CCDC171: variants seen among roughly 807,000 people sequenced by gnomAD.
The protein encoded by CCDC171 is coiled-coil domain-containing protein 171.
CCDC171 carries 177 observed loss-of-function variants against 168.2 expected under a neutral mutation model. The observed-to-expected ratio is 1.05, with a 90% confidence interval of 0.93 to 1.19. The LOEUF is 1.19. Among genes scored for constraint, CCDC171 ranks in the 50% most tolerant of loss-of-function variants. The probability of loss-of-function intolerance (pLI) is 0.00; values close to 1 mark genes in which losing one functional copy is unlikely to be tolerated. For synonymous variants in CCDC171, 687 were observed against 540.8 expected, an observed-to-expected ratio of 1.27 and a Z score of -3.75; for missense variants, 1,991 against 1,539.0, an observed-to-expected ratio of 1.29 and a Z score of -4.91.
chr9:15,956,361 A>G (rs1176176356), intron 25 of CCDC171, among the ~76,000 whole-genome samples: 1 of 152,144 alleles, frequency 6.6e-6, no homozygotes, highest in African/African-American at 2.4e-5. Context: ...TACTGATAGG[A>G]TACTTGGAAT....
At chr9:16,029,485 C>T (rs540264559) in intron 6 of CCDC171, among the ~76,000 whole-genome samples, 70 of 152,220 alleles carry the variant, frequency 4.6e-4, no homozygotes, top group African/African-American at 1.5e-3. Flanking sequence ...TCTGGGCTCA[C>T]GGGAAAAGAT....
At chr9:16,108,572 A>G in the CCDC171 span, among the ~76,000 whole-genome samples, 2 of 152,206 alleles carry the variant, frequency 1.3e-5, no homozygotes, top group African/African-American at 2.4e-5. Flanking sequence ...CAGACTTAGA[A>G]TAGGATTTCA....
chr9:15,628,052 G>T (rs982285549), intron 7 of CCDC171, among the ~76,000 whole-genome samples: 2 of 152,154 alleles, frequency 1.3e-5, no homozygotes, highest in Non-Finnish European at 2.9e-5. Context: ...AGGGAGCCAA[G>T]ATGGCCGAAT....
intron 11 of CCDC171, among the ~76,000 whole-genome samples, chr9:15,707,470 A>G (rs1435626023): frequency 6.6e-6 from 1 of 152,242 alleles, no homozygotes; most frequent in African/African-American, 2.4e-5. Flanking sequence ...GTTGGAATAA[A>G]GTGAGACTAT....
At chr9:15,574,269 T>C (rs1369067536) in intron 3 of CCDC171, among the ~76,000 whole-genome samples, 2 of 152,060 alleles carry the variant, frequency 1.3e-5, no homozygotes, top group Non-Finnish European at 2.9e-5. Flanking sequence ...TTCAGCCTCC[T>C]GCGTAGCTGG....
intron 6 of CCDC171, among the ~76,000 whole-genome samples, chr9:16,023,827 A>C (rs1173475570): frequency 6.7e-6 from 1 of 150,120 alleles, no homozygotes; most frequent in African/African-American, 2.5e-5. Context: ...TTTCAGACAG[A>C]ATAATGCCAC....
chr9:16,048,356 C>G (rs1250294935), intron 1 of CCDC171, among the ~76,000 whole-genome samples: 1 of 152,156 alleles, frequency 6.6e-6, no homozygotes, highest in Non-Finnish European at 1.5e-5. Flanking sequence ...GAGGAGGGAG[C>G]TGGCTGAGGG....
intron 21 of CCDC171, among the ~76,000 whole-genome samples, chr9:15,809,482 T>TC (rs1465089769): frequency 1.3e-5 from 2 of 151,988 alleles, no homozygotes; most frequent in Non-Finnish European, 2.9e-5. Flanking sequence ...TGTCTGGAGT[T>TC]TATTCCTTCT....
chr9:15,886,563 C>T (rs1819424970), intron 24 of CCDC171: 1 of 151,972 alleles, frequency 6.6e-6, no homozygotes, highest in African/African-American at 2.4e-5. Flanking sequence ...ATGGAATTTC[C>T]TCAAAAAATA....
chr9:15,649,718 A>C (rs1383524680), intron 7 of CCDC171, among the ~76,000 whole-genome samples: 1 of 152,246 alleles, frequency 6.6e-6, no homozygotes, highest in Non-Finnish European at 1.5e-5. Flanking sequence ...CACACCAGTT[A>C]GAATGGCAAT....
chr9:15,778,921 G>A, intron 19 of CCDC171, 47 bp from the exon 20 acceptor site: 1 of 1,298,472 alleles, frequency 7.7e-7, no homozygotes, highest in Non-Finnish European at 1.0e-6. Context: ...GCTATTGTTA[G>A]TAAATCTGTA....
intron 6 of CCDC171, among the ~76,000 whole-genome samples, chr9:16,028,992 G>T (rs1290161290): frequency 6.6e-6 from 1 of 152,080 alleles, no homozygotes; most frequent in African/African-American, 2.4e-5. Context: ...GCTTGCCCTG[G>T]TAAAAAGCCT....
intron 20 of CCDC171, among the ~76,000 whole-genome samples, chr9:15,783,013 A>G (rs183694050): frequency 1.8e-4 from 27 of 152,284 alleles, no homozygotes; most frequent in Non-Finnish European, 3.1e-4. Context: ...ATGCTACACT[A>G]TTGGCTTTTA....
chr9:15,796,524 T>C (rs939684062), intron 21 of CCDC171, among the ~76,000 whole-genome samples: 3 of 152,166 alleles, frequency 2.0e-5, no homozygotes, highest in Non-Finnish European at 4.4e-5. Context: ...AATAACTTAA[T>C]TGAGGTATAA....
intron 11 of CCDC171, among the ~76,000 whole-genome samples, chr9:15,705,370 G>GT (rs1435842335): frequency 1.3e-5 from 2 of 152,120 alleles, no homozygotes; most frequent in African/African-American, 2.4e-5. Context: ...AGCCAAAATG[G>GT]TATCAATGGC....
At chr9:15,634,110 G>A (rs1023353386) in intron 7 of CCDC171, among the ~76,000 whole-genome samples, 2 of 152,018 alleles carry the variant, frequency 1.3e-5, no homozygotes, top group Non-Finnish European at 2.9e-5. Context: ...CACCAGCATG[G>A]CACATGTTTA....
intron 2 of CCDC171, 54 bp downstream of exon 2, chr9:15,564,183 A>C: frequency 7.3e-7 from 1 of 1,363,062 alleles, no homozygotes; most frequent in Non-Finnish European, 1.0e-6. Context: ...TGCAAGGAAC[A>C]GGGAGAAGTC....
chr9:16,025,009 G>C (rs1259250010), intron 6 of CCDC171, among the ~76,000 whole-genome samples: 1 of 152,178 alleles, frequency 6.6e-6, no homozygotes, highest in Non-Finnish European at 1.5e-5. Flanking sequence ...CCTTGCTGGT[G>C]GGAATGTAAA....
At chr9:15,659,265 T>A (rs1325073992) in intron 8 of CCDC171, among the ~76,000 whole-genome samples, 1 of 152,140 alleles carries the variant, frequency 6.6e-6, no homozygotes, top group Non-Finnish European at 1.5e-5. Context: ...GTTTCCCAGG[T>A]GTTAGGAAAG....
Sources: gnomAD v4.1 joint callset for allele counts (sites outside exome capture counted in the v4.1 genomes callset) on GRCh38, gnomAD v4.1.1 for gene constraint, MANE v1.5 for transcripts, NCBI Gene and HGNC (gene_info 2026-07-23, HGNC 2026-07-21) for gene names.